The following ADH6 variants were observed in gnomAD, a reference collection of about 807,000 sequenced individuals.
The protein encoded by ADH6 is alcohol dehydrogenase 6 (class V), also known as alcohol dehydrogenase 6.
A neutral mutation model predicts 36.5 loss-of-function variants in ADH6; 34 were observed. The observed-to-expected ratio is 0.93, with a 90% CI of 0.71 to 1.24. ADH6 has a LOEUF of 1.24. Ranked by LOEUF, ADH6 falls within the 50% of genes most tolerant of loss-of-function variation. The pLI, the probability that ADH6 is intolerant of heterozygous loss-of-function variation, is 0.00. For missense variants in ADH6, 440 were observed against 447.0 expected, an observed-to-expected ratio of 0.98 and a Z score of 0.14; for synonymous variants, 161 against 155.5, an observed-to-expected ratio of 1.04 and a Z score of -0.26.
At chr4:99,214,808 T>G (rs1655916211) in intron 2 of ADH6, among the ~76,000 whole-genome samples, 1 of 152,242 alleles carries the variant, frequency 6.6e-6, no homozygotes, top group African/African-American at 2.4e-5. Flanking sequence ...TAAAATTGCC[T>G]GAATTGCCTG....
chr4:99,206,438 T>C (rs28720158), intron 7 of ADH6, among the ~76,000 whole-genome samples: 1,573 of 152,252 alleles, frequency 0.01, 28 homozygotes, highest in African/African-American at 0.036. Context: ...AGTATGTGTA[T>C]TTTGAATTAA....
Position 99,207,508 on chromosome 4 carries a change from T to G in ADH6, c.902A>C (p.Gln301Pro). 6.2e-7 allele frequency: 1 copy of G among 1,613,660 alleles called. No homozygotes were observed. Among genetic ancestry groups the G allele is most frequent in the Non-Finnish European group, 8.5e-7 (1 of 1,179,728 alleles). Reference protein sequence around the residue: ...VVVGVLPASVQLKISGQLFFS... With the variant: ...VVVGVLPASVPLKISGQLFFS... ...GAACAACTGGCCACTGATTTTGAGT[T>G]GAACACTGGCAGGCAACACCCCAAC... The change falls in exon 7 of 9, where the codon CAA (glutamine) becomes CCA (proline). Residue 301 changes from glutamine to proline, a missense_variant. Physicochemically the swap from Gln to Pro is moderately conservative, Grantham distance 76. Coordinates refer to ENST00000394899, the MANE Select transcript of ADH6 (RefSeq NM_001102470.2).
chr4:99,210,405 A>G lies in ADH6; in HGVS notation c.350+10T>C, dbSNP rs1251115447. The G allele has an allele frequency of 1.2e-6, 2 of 1,603,146 alleles. No homozygotes were observed. Among genetic ancestry groups the G allele is most frequent in the Non-Finnish European group, 1.7e-6 (2 of 1,171,476 alleles). ...AAGTTTTCAAAAAGAAAATATTAGTAAAAACTTACTTGAATTGTATACAAA... is the reference window on the plus strand; with the variant it reads ...AAGTTTTCAAAAAGAAAATATTAGTGAAAACTTACTTGAATTGTATACAAA... On this transcript the variant is annotated intron_variant, in intron 4 of 8. Coordinates refer to ENST00000394899, the MANE Select transcript of ADH6 (RefSeq NM_001102470.2).
intron 2 of ADH6, among the ~76,000 whole-genome samples, chr4:99,214,624 C>T (rs1432952531): frequency 6.6e-6 from 1 of 152,190 alleles, no homozygotes; most frequent in African/African-American, 2.4e-5. Flanking sequence ...CCCTTCTCAG[C>T]TGTGTGAACT....
chr4:99,204,282 T>G, intron 8 of ADH6, 39 bp from the exon 9 acceptor site: 1 of 1,593,622 alleles, frequency 6.3e-7, no homozygotes, highest in Non-Finnish European at 8.5e-7. Context: ...TGGAACATTT[T>G]TAGAGCAACA....
rs750681199 is a variant in ADH6 at position 99,204,251 on chromosome 4, AAAG to A, written c.1104-11_1104-9del. ...AACAGGATACAGCGGATACTGAAAAAAAGAAGAAGAGAAAAAAGGTTGGAACAT... is the reference window on the plus strand; with the variant it reads ...AACAGGATACAGCGGATACTGAAAAAAAGAAGAGAAAAAAGGTTGGAACAT... On this transcript the variant is annotated splice_polypyrimidine_tract_variant and intron_variant, in intron 8 of 8. Transcript: ENST00000394899. 2.6e-5 allele frequency: 42 copies of A among 1,599,432 alleles called. No homozygotes were observed. The highest frequency in any genetic ancestry group is 1.6e-4 in the African/African-American group (12 of 74,660).
chr4:99,206,896 C>A (rs1006336332), intron 7 of ADH6, among the ~76,000 whole-genome samples: 2 of 151,968 alleles, frequency 1.3e-5, no homozygotes, highest in African/African-American at 4.8e-5. Context: ...TGTTCCAGGA[C>A]AGGTAAAAAA....
intron 2 of ADH6, among the ~76,000 whole-genome samples, chr4:99,214,875 G>C (rs1731347063): frequency 6.6e-6 from 1 of 152,180 alleles, no homozygotes. Flanking sequence ...TTACCAAATA[G>C]TCATTCTCTT....
At position 99,202,670 on chromosome 4, in the gene ADH6, A is replaced by G. The variant is rs551828695; in HGVS notation, c.*1549T>C. 2.5e-6 allele frequency: 1 copy of G among 397,784 alleles called. No individual in the cohort carries two copies. The highest frequency in any genetic ancestry group is 1.3e-4 in the South Asian group (1 of 7,858). The allele number at this position is 397,784 out of a possible 1,614,324, so 24.6% of individuals were successfully genotyped here. On this transcript the variant is annotated 3_prime_UTR_variant, in exon 9 of 9. Transcript: ENST00000394899. ...AAGGAACCGAGCTTTATTGGAGCAA[A>G]GAGTGTGGACACTGTTTACAACAAA...
At chr4:99,208,975 A>G in intron 5 of ADH6, 47 bp from the exon 6 acceptor site, 1 of 1,572,474 alleles carries the variant, frequency 6.4e-7, no homozygotes, top group Non-Finnish European at 8.6e-7. Flanking sequence ...AGCAAAGAGA[A>G]CATACACCTT....
In ADH6 at chr4:99,203,638, GATGGGTACT is replaced by G. The variant is rs1730927918; in HGVS notation, c.*572_*580del. 6.6e-6 allele frequency: 1 copy of G among 151,904 alleles called. No individual in the cohort carries two copies. Among genetic ancestry groups the G allele is most frequent in the Non-Finnish European group, 1.5e-5 (1 of 68,012 alleles). 9.4% of individuals were successfully genotyped at this position (151,904 alleles called of 1,614,324 possible). A position where few individuals can be genotyped will look rare whatever the true frequency, so the allele number is the denominator to read the frequency against. On this transcript the variant is annotated 3_prime_UTR_variant, in exon 9 of 9. Coordinates refer to ENST00000394899, the MANE Select transcript of ADH6 (RefSeq NM_001102470.2). ...GATCCCTAGGTGGCTTAGTTATGAAGATGGGTACTATGAACTGCTGATAGTCAAATCATC... is the reference window on the plus strand; with the variant it reads ...GATCCCTAGGTGGCTTAGTTATGAAGATGAACTGCTGATAGTCAAATCATC...
At chr4:99,209,063 ATAT>A in intron 5 of ADH6, 135 bp from the exon 6 acceptor site, 1 of 922,320 alleles carries the variant, frequency 1.1e-6, no homozygotes, top group East Asian at 2.6e-5. Context: ...CATACATAAC[ATAT>A]TATAACTACA....
At chr4:99,207,690 T>A (rs1731084758) in intron 6 of ADH6, 109 bp from the exon 7 acceptor site, 1 of 1,141,060 alleles carries the variant, frequency 8.8e-7, no homozygotes, top group East Asian at 2.6e-5. Flanking sequence ...CTTTCTTTTC[T>A]GATTCTCCCT....
chr4:99,204,060 G>C lies in ADH6; in HGVS notation c.*159C>G, dbSNP rs1315770253. 2 of 784,278 alleles carry C rather than the reference G, an allele frequency of 2.6e-6. No homozygotes were observed. Among genetic ancestry groups the C allele is most frequent in the African/African-American group, 3.6e-5 (2 of 55,150 alleles). 48.6% of individuals were successfully genotyped at this position (784,278 alleles called of 1,614,324 possible). A position where few individuals can be genotyped will look rare whatever the true frequency, so the allele number is the denominator to read the frequency against. On this transcript the variant is annotated 3_prime_UTR_variant, in exon 9 of 9. Coordinates refer to ENST00000394899, the MANE Select transcript of ADH6 (RefSeq NM_001102470.2). Reference sequence around the variant, plus strand: ...ACGTAAGAACAATTTTGATGAAATGGTTAGGTCAGAAGCCAGATATAGGTC... The same window carrying C: ...ACGTAAGAACAATTTTGATGAAATGCTTAGGTCAGAAGCCAGATATAGGTC...
intron 7 of ADH6, among the ~76,000 whole-genome samples, chr4:99,206,870 C>CG (rs754460080): frequency 6.6e-6 from 1 of 151,810 alleles, no homozygotes; most frequent in Non-Finnish European, 1.5e-5. Context: ...AAATAGTCTT[C>CG]TAAAGTCTAT....
intron 2 of ADH6, among the ~76,000 whole-genome samples, chr4:99,214,831 A>G (rs1305453069): frequency 2.0e-5 from 3 of 152,246 alleles, no homozygotes; most frequent in Non-Finnish European, 4.4e-5. Flanking sequence ...ACCCAACTGT[A>G]GAAAGTGCTG....
intron 8 of ADH6, chr4:99,204,649 T>C: frequency 8.4e-7 from 1 of 1,192,888 alleles, no homozygotes. Context: ...TCCATTAATA[T>C]GTCATGTAAA....
At chr4:99,216,444 A>G (rs1332608751) in intron 1 of ADH6, among the ~76,000 whole-genome samples, 182 bp from the exon 2 acceptor site, 1 of 152,170 alleles carries the variant, frequency 6.6e-6, no homozygotes, top group Non-Finnish European at 1.5e-5. Flanking sequence ...GTTTTCTTGT[A>G]CTATCAGCCT....
Position 99,218,400 on chromosome 4 carries a change from C to T in ADH6, c.18+735G>A, listed in dbSNP as rs1043193253. On this transcript the variant is annotated intron_variant, in intron 1 of 8. Transcript: ENST00000394899. Reference sequence around the variant, plus strand: ...TCCACTGCTGCTAGTACTAAAAAAGCTTTCTGCTTTATCTCTTTCTTGCTT... The same window carrying T: ...TCCACTGCTGCTAGTACTAAAAAAGTTTTCTGCTTTATCTCTTTCTTGCTT... 6.6e-5 allele frequency among the ~76,000 whole-genome samples: 10 copies of T among 152,270 alleles called. No individual in the cohort carries two copies. The South Asian group carries it at 1.9e-3, about 28-fold the overall frequency.
Sources: allele counts gnomAD v4.1 joint callset (sites outside exome capture counted in the v4.1 genomes callset), GRCh38; gene constraint gnomAD v4.1.1; transcripts MANE v1.5; gene names NCBI Gene and HGNC (gene_info 2026-07-23, HGNC 2026-07-21).